SCN8A: variants seen among roughly 807,000 people sequenced by gnomAD.
SCN8A encodes the protein sodium channel protein type 8 subunit alpha.
In SCN8A, 30 loss-of-function variants were observed where a neutral mutation model predicts 184.1. That is an observed-to-expected ratio of 0.16 (90% CI 0.12 to 0.22). SCN8A has a LOEUF of 0.22. Ranked by LOEUF, SCN8A falls within the 10% of genes least tolerant of loss-of-function variation. The pLI, the probability that SCN8A is intolerant of heterozygous loss-of-function variation, is 1.00. For missense variants in SCN8A, 1,057 were observed against 2,498.9 expected (o/e 0.42, Z 12.30); for synonymous variants, 852 against 907.0 (o/e 0.94, Z 1.09).
intron 1 of SCN8A, among the ~76,000 whole-genome samples, chr12:51,593,374 C>T (rs1183008531): frequency 6.6e-6 from 1 of 152,164 alleles, no homozygotes; most frequent in Non-Finnish European, 1.5e-5. Context: ...TGGTGCAGAT[C>T]AGTTATTGGT....
At chr12:51,734,403 A>G (rs962770817) in intron 12 of SCN8A, among the ~76,000 whole-genome samples, 1 of 152,254 alleles carries the variant, frequency 6.6e-6, no homozygotes, top group Admixed American at 6.5e-5. Flanking sequence ...TGAATTAACT[A>G]AAAGTATCCC....
intron 14 of SCN8A, among the ~76,000 whole-genome samples, chr12:51,752,016 A>G (rs1441568187): frequency 1.3e-5 from 2 of 152,296 alleles, no homozygotes; most frequent in Middle Eastern, 3.4e-3. Flanking sequence ...CACTACATGT[A>G]ACTATGGATT....
intron 12 of SCN8A, 122 bp downstream of exon 12, chr12:51,722,030 T>C: frequency 6.5e-7 from 1 of 1,531,030 alleles, no homozygotes; most frequent in Non-Finnish European, 8.9e-7. Context: ...CCATCCCACT[T>C]GGTCTGTCTG....
At chr12:51,637,267 C>T (rs1014134032) in intron 1 of SCN8A, among the ~76,000 whole-genome samples, 2 of 152,056 alleles carry the variant, frequency 1.3e-5, no homozygotes, top group Middle Eastern at 3.2e-3. Context: ...TGAAATTAGG[C>T]CAACTAATAG....
chr12:51,798,959 G>T (rs760826488), intron 26 of SCN8A, among the ~76,000 whole-genome samples: 5 of 152,220 alleles, frequency 3.3e-5, no homozygotes, highest in Non-Finnish European at 7.3e-5. Context: ...AAAGTGCACA[G>T]CCAGGTGCAC....
At chr12:51,705,731 G>A in intron 10 of SCN8A, 108 bp downstream of exon 10, 2 of 998,404 alleles carry the variant, frequency 2.0e-6, no homozygotes, top group Non-Finnish European at 2.9e-6. Flanking sequence ...TTCAAATAGA[G>A]GCCATTGGTC....
intron 8 of SCN8A, 52 bp from the exon 9 acceptor site, chr12:51,702,721 T>C (rs1461680291): frequency 6.2e-6 from 9 of 1,442,446 alleles, no homozygotes; most frequent in African/African-American, 1.4e-5. Flanking sequence ...TCCAAGGTCA[T>C]GGCTGGGTGG....
chr12:51,671,838 G>T lies in SCN8A; in HGVS notation c.276+8745G>T, dbSNP rs145651195. On this transcript the variant is annotated intron_variant, in intron 2 of 26. Coordinates refer to ENST00000627620, the MANE Select transcript of SCN8A (RefSeq NM_001330260.2). ...TCATATGACAATTTCTGCTAACTCT[G>T]ATTTTACCAGAAGAATTTTTGATAC... Among the ~76,000 whole-genome samples the T allele has an allele frequency of 8.6e-3, 1,316 of 152,254 alleles. 17 individuals are homozygous for T. The highest frequency in any genetic ancestry group is 0.03 in the African/African-American group (1,261 of 41,534).
At chr12:51,601,628 G>A (rs1939465654) in intron 1 of SCN8A, among the ~76,000 whole-genome samples, 1 of 152,080 alleles carries the variant, frequency 6.6e-6, no homozygotes, top group Non-Finnish European at 1.5e-5. Context: ...AATTAGATAT[G>A]TTTTCCATTT....
chr12:51,618,457 CAA>C (rs1491584450), intron 1 of SCN8A, among the ~76,000 whole-genome samples: 1 of 84,520 alleles, frequency 1.2e-5, no homozygotes, highest in African/African-American at 4.9e-5. Context: ...GATACCAGAG[CAA>C]CACACACACA....
At chr12:51,712,740 A>G (rs1941900548) in intron 11 of SCN8A, 2 of 1,114,078 alleles carry the variant, frequency 1.8e-6, no homozygotes, top group Non-Finnish European at 2.7e-6. Context: ...CACCACCACC[A>G]TAGCCCCCTC....
intron 2 of SCN8A, among the ~76,000 whole-genome samples, chr12:51,674,286 C>T (rs1476040593): frequency 1.3e-5 from 2 of 152,198 alleles, no homozygotes; most frequent in East Asian, 3.9e-4. Context: ...CAGGCTTGTG[C>T]CAAGTATGTG....
rs1332134913 is a variant in SCN8A at position 51,762,529 on chromosome 12, A to G, written c.2397A>G (p.Glu799=). The part of the protein sequence containing the change: ...NLVFTGIFTA[E]MFLKLIAMDP... ...TTTTCACTGGAATTTTCACAGCGGA[A>G]ATGTTCCTGAAGCTCATAGCCATGG... The change falls in exon 15 of 27, where the codon GAA becomes GAG. Residue 799 remains glutamate, a synonymous_variant. Coordinates refer to ENST00000627620, the MANE Select transcript of SCN8A (RefSeq NM_001330260.2). 3 of 1,613,586 alleles carry G rather than the reference A, an allele frequency of 1.9e-6. No homozygotes were observed. The highest frequency in any genetic ancestry group is 1.7e-6 in the Non-Finnish European group (2 of 1,179,750).
chr12:51,796,896 A>G (rs1006567750), intron 26 of SCN8A, among the ~76,000 whole-genome samples: 1 of 152,182 alleles, frequency 6.6e-6, no homozygotes, highest in African/African-American at 2.4e-5. Context: ...AGCTTCTTCC[A>G]TCTTCTTCTG....
chr12:51,639,440 G>A (rs1397720462), intron 1 of SCN8A, among the ~76,000 whole-genome samples: 2 of 151,748 alleles, frequency 1.3e-5, no homozygotes, highest in African/African-American at 4.9e-5. Flanking sequence ...TAAGAGACAG[G>A]GTCTTGCTCT....
At chr12:51,591,877 C>T (rs1939228217) in intron 1 of SCN8A, among the ~76,000 whole-genome samples, 1 of 152,022 alleles carries the variant, frequency 6.6e-6, no homozygotes, top group Admixed American at 6.5e-5. Context: ...CTCCTGGGTT[C>T]TTCCCGCAGC....
chr12:51,633,653 C>T (rs190733526), intron 1 of SCN8A, among the ~76,000 whole-genome samples: 1 of 152,266 alleles, frequency 6.6e-6, no homozygotes. Context: ...AACTTGAAGG[C>T]AGTTGGGGTG....
At chr12:51,755,985 G>A (rs1942668053) in intron 14 of SCN8A, among the ~76,000 whole-genome samples, 1 of 151,702 alleles carries the variant, frequency 6.6e-6, no homozygotes, top group Non-Finnish European at 1.5e-5. Flanking sequence ...TGTCCTCCAT[G>A]TGGACACCTG....
At chr12:51,772,355 A>G (rs907719782) in intron 19 of SCN8A, among the ~76,000 whole-genome samples, 7 of 150,976 alleles carry the variant, frequency 4.6e-5, no homozygotes, top group African/African-American at 1.7e-4. Context: ...AGATTGCACC[A>G]TTGCACTCCA....
Sources: allele counts gnomAD v4.1 joint callset (sites outside exome capture counted in the v4.1 genomes callset), GRCh38; gene constraint gnomAD v4.1.1; transcripts MANE v1.5; gene names NCBI Gene and HGNC (gene_info 2026-07-23, HGNC 2026-07-21).